Variants in ANKS1A observed in about 807,000 individuals in gnomAD.
ANKS1A encodes ankyrin repeat and SAM domain-containing protein 1A.
In ANKS1A, 55 loss-of-function variants were observed where a neutral mutation model predicts 120.3. The ratio of observed to expected loss-of-function variants is 0.46; its 90% CI spans 0.37 to 0.57. ANKS1A has a LOEUF of 0.57. ANKS1A is among the 20% of genes least tolerant of loss of function. The pLI, the probability that ANKS1A is intolerant of heterozygous loss-of-function variation, is 0.00. For missense variants in ANKS1A, 1,123 were observed against 1,480.3 expected, an observed-to-expected ratio of 0.76 and a Z score of 3.96; for synonymous variants, 590 against 604.7, an observed-to-expected ratio of 0.98 and a Z score of 0.36.
At chr6:35,036,466 C>T (rs1483007485) in intron 11 of ANKS1A, among the ~76,000 whole-genome samples, 2 of 152,246 alleles carry the variant, frequency 1.3e-5, no homozygotes, top group East Asian at 1.9e-4. Flanking sequence ...CAGAGTCTCA[C>T]GAGACCTTTG....
At chr6:35,041,196 T>C (rs1389971344) in intron 11 of ANKS1A, among the ~76,000 whole-genome samples, 5 of 152,216 alleles carry the variant, frequency 3.3e-5, no homozygotes, top group East Asian at 1.9e-4. Context: ...TCTCTAGATA[T>C]TGTCTTGAGG....
Position 34,982,995 on chromosome 6 carries a change from C to T in ANKS1A, c.809-118C>T. On this transcript the variant is annotated intron_variant, in intron 5 of 23. Coordinates refer to ENST00000360359, the MANE Select transcript of ANKS1A (RefSeq NM_015245.3). This position sits in a 1 kb window ranked among gnomAD's most constrained non-coding sequence, Gnocchi z 4.9. Reference sequence around the variant, plus strand: ...GTTCTTGAATAGCTGGATTAAATGGCTCTGGATGAAAAATGTTGGCCATGC... The same window carrying T: ...GTTCTTGAATAGCTGGATTAAATGGTTCTGGATGAAAAATGTTGGCCATGC... 8.0e-7 allele frequency: 1 copy of T among 1,255,276 alleles called. No homozygotes were observed. Among genetic ancestry groups the T allele is most frequent in the Admixed American group, 1.8e-5 (1 of 56,524 alleles). The allele number at this position is 1,255,276 out of a possible 1,614,324, so 77.8% of individuals were successfully genotyped here.
chr6:35,039,660 C>A (rs1262027923), intron 11 of ANKS1A: 1 of 455,970 alleles, frequency 2.2e-6, no homozygotes, highest in East Asian at 7.0e-5. Context: ...GTGCTCTGCA[C>A]AGAAGCCATT....
rs1352894523 is a variant in ANKS1A at position 35,085,916 on chromosome 6, G to C, written c.3283G>C (p.Val1095Leu). 6.2e-7 allele frequency: 1 copy of C among 1,609,738 alleles called. No individual in the cohort carries two copies. Among genetic ancestry groups the C allele is most frequent in the East Asian group, 2.2e-5 (1 of 44,834 alleles). ...KSSKPVPKPRVGVRKSALEPP... is the reference protein window; with the variant it reads ...KSSKPVPKPRLGVRKSALEPP... The stretch of plus-strand genomic sequence containing the variant: ...TTCCAAACCGGTGCCTAAGCCTCGG[G>C]TCGGCGTGAGGAAATCCGCAGTACG... Residue 1095 changes from valine (V) to leucine (L), a missense_variant, in exon 22 of 24, where the codon GTC becomes CTC. By Grantham distance (32) the Val-to-Leu change is conservative. Around this residue, in one of 3 missense-constraint regions of ANKS1A, gnomAD observed 904 missense variants for 1,130.4 expected, o/e 0.80. Coordinates refer to ENST00000360359, the MANE Select transcript of ANKS1A (RefSeq NM_015245.3). This position sits in a 1 kb window ranked among gnomAD's most constrained non-coding sequence, Gnocchi z 4.7.
intron 10 of ANKS1A, among the ~76,000 whole-genome samples, chr6:35,012,937 G>T (rs1773839717): frequency 1.3e-5 from 2 of 152,150 alleles, no homozygotes; most frequent in South Asian, 4.1e-4. Context: ...AAGTAGTGTA[G>T]GAGAAAGGCC....
At chr6:35,041,582 A>C (rs918760177) in intron 11 of ANKS1A, among the ~76,000 whole-genome samples, 1 of 152,068 alleles carries the variant, frequency 6.6e-6, no homozygotes, top group African/African-American at 2.4e-5. Flanking sequence ...TGGAATAGGC[A>C]CTCTTCACTG....
intron 14 of ANKS1A, among the ~76,000 whole-genome samples, chr6:35,079,172 G>A (rs1015821553): frequency 1.3e-5 from 2 of 152,190 alleles, no homozygotes; most frequent in African/African-American, 2.4e-5. Flanking sequence ...GGAAGCGCCC[G>A]CTCTGAGGGC....
intron 1 of ANKS1A, among the ~76,000 whole-genome samples, chr6:34,965,642 T>C (rs553094004): frequency 1.1e-4 from 16 of 152,270 alleles, no homozygotes; most frequent in Middle Eastern, 3.4e-3. Context: ...TGAGCCACCG[T>C]ACCCGGCCAA....
At chr6:35,071,849 C>T (rs933438057) in intron 13 of ANKS1A, among the ~76,000 whole-genome samples, 30 of 152,250 alleles carry the variant, frequency 2.0e-4, no homozygotes, top group African/African-American at 7.0e-4. Flanking sequence ...GTAGACAGGG[C>T]TGCAGGAAGC....
chr6:34,906,236 G>A (rs563809160), intron 1 of ANKS1A, among the ~76,000 whole-genome samples: 14 of 152,310 alleles, frequency 9.2e-5, no homozygotes, highest in Non-Finnish European at 2.9e-5. Flanking sequence ...CATCTGCAGA[G>A]TTAGACTGGG....
intron 2 of ANKS1A, among the ~76,000 whole-genome samples, chr6:34,967,794 CT>C: frequency 6.6e-6 from 1 of 152,164 alleles, no homozygotes; most frequent in South Asian, 2.1e-4. Flanking sequence ...CTGTGTCTTT[CT>C]TTCATGTATA....
chr6:34,972,801 G>A (rs1176649133), intron 3 of ANKS1A, among the ~76,000 whole-genome samples: 4 of 152,140 alleles, frequency 2.6e-5, no homozygotes, highest in Non-Finnish European at 4.4e-5. Flanking sequence ...CTGGGAATGG[G>A]AAAATGCAGC....
In ANKS1A at chr6:35,084,509, T is replaced by C. The variant is rs181620582; in HGVS notation, c.3132+251T>C. 0.012 allele frequency among the ~76,000 whole-genome samples: 1,860 copies of C among 150,816 alleles called. 20 individuals are homozygous for C. The highest frequency in any genetic ancestry group is 0.024 in the Middle Eastern group (7 of 294). On this transcript the variant is annotated intron_variant, in intron 21 of 23. Coordinates refer to ENST00000360359, the MANE Select transcript of ANKS1A (RefSeq NM_015245.3). The surrounding 1 kb of genome is among the most constrained non-coding windows in gnomAD (Gnocchi z 4.8). ...GGTTCCAGCTTTTTTTTTTTTTTTT[T>C]AAGAGATGGAGTCTCACTATGTTGC...
intron 12 of ANKS1A, among the ~76,000 whole-genome samples, chr6:35,056,512 T>A (rs1477298754): frequency 2.0e-5 from 3 of 152,108 alleles, no homozygotes; most frequent in South Asian, 2.1e-4. Context: ...ATGGTCTCGA[T>A]CTCCTGACCT....
At chr6:35,039,984 G>A (rs1775375160) in intron 11 of ANKS1A, among the ~76,000 whole-genome samples, 1 of 152,148 alleles carries the variant, frequency 6.6e-6, no homozygotes, top group African/African-American at 2.4e-5. Flanking sequence ...CAGAATATAT[G>A]TATCTCCCTC....
chr6:34,966,698 A>G (rs2127507939), intron 1 of ANKS1A, among the ~76,000 whole-genome samples: 1 of 152,340 alleles, frequency 6.6e-6, no homozygotes, highest in Non-Finnish European at 1.5e-5. Flanking sequence ...TTTTTAAGTC[A>G]GATAAGACAC....
At chr6:35,097,080 C>G in the ANKS1A span, among the ~76,000 whole-genome samples, 2 of 151,734 alleles carry the variant, frequency 1.3e-5, no homozygotes, top group South Asian at 4.2e-4. Context: ...AATGGCTTTA[C>G]AAATTACAAC....
At position 35,018,075 on chromosome 6, in the gene ANKS1A, C is replaced by A; in HGVS notation, c.2010+16C>A. On this transcript the variant is annotated intron_variant, in intron 11 of 23. Coordinates refer to ENST00000360359, the MANE Select transcript of ANKS1A (RefSeq NM_015245.3). ...GTGGGATGAGGTAAGGCCGACATGA[C>A]GTCACAGGGAGCTGGGCTGGCCAGG... The A allele has an allele frequency of 6.2e-7, 1 of 1,607,914 alleles. No individual in the cohort carries two copies. Among genetic ancestry groups the A allele is most frequent in the Non-Finnish European group, 8.5e-7 (1 of 1,176,716 alleles).
intron 13 of ANKS1A, among the ~76,000 whole-genome samples, chr6:35,067,924 C>T (rs1305832254): frequency 6.9e-6 from 1 of 144,858 alleles, no homozygotes; most frequent in Non-Finnish European, 1.5e-5. Context: ...GAGTTTCGCC[C>T]TTTCCCCCAG....
Sources: allele counts gnomAD v4.1 joint callset (sites outside exome capture counted in the v4.1 genomes callset), GRCh38; gene constraint gnomAD v4.1.1; regional missense constraint gnomAD v4.1.1; non-coding constraint Gnocchi (gnomAD v3.1); transcripts MANE v1.5; gene names NCBI Gene and HGNC (gene_info 2026-07-23, HGNC 2026-07-21).